The following PMFBP1 variants were observed in gnomAD, a reference collection of about 807,000 sequenced individuals.
PMFBP1 encodes polyamine modulated factor 1 binding protein 1, also known as polyamine-modulated factor 1-binding protein 1.
PMFBP1 carries 131 observed loss-of-function variants against 137.8 expected under a neutral mutation model. The ratio of observed to expected loss-of-function variants is 0.95; its 90% confidence interval spans 0.82 to 1.10. The LOEUF (loss-of-function observed/expected upper bound fraction) is 1.10, where lower values mean the gene tolerates loss of function less well. Ranked by LOEUF, PMFBP1 falls within the 50% of genes least tolerant of loss-of-function variation. The pLI is 0.00. For missense variants in PMFBP1, 1,199 were observed against 1,175.4 expected (o/e 1.02, Z -0.29); for synonymous variants, 490 against 450.4 (o/e 1.09, Z -1.11).
chr16:72,177,553 C>T (rs530618213), upstream of PMFBP1, among the ~76,000 whole-genome samples: 1 of 152,272 alleles, frequency 6.6e-6, no homozygotes, highest in Non-Finnish European at 1.5e-5. Context: ...AGAAAAGTTG[C>T]AAAAATAGTA....
At chr16:72,152,339 C>T (rs530553263) in intron 4 of PMFBP1, among the ~76,000 whole-genome samples, 48 of 152,264 alleles carry the variant, frequency 3.2e-4, no homozygotes, top group African/African-American at 1.1e-3. Context: ...ACTAATAGAA[C>T]CTTGACTCTA....
chr16:72,121,321 T>G (rs1392211362), intron 19 of PMFBP1, among the ~76,000 whole-genome samples: 2 of 152,176 alleles, frequency 1.3e-5, no homozygotes, highest in African/African-American at 2.4e-5. Flanking sequence ...AGAGGGGGTC[T>G]CAGCAGTGCC....
At chr16:72,189,309 CCACCACATGCTGCCGT>C in the PMFBP1 span, among the ~76,000 whole-genome samples, 1 of 152,212 alleles carries the variant, frequency 6.6e-6, no homozygotes, top group South Asian at 2.1e-4. Flanking sequence ...ATGCCCTCAG[CCACCACATGCTGCCGT>C]CCCTTTAAGC....
upstream of PMFBP1, among the ~76,000 whole-genome samples, chr16:72,181,548 C>T (rs1195133474): frequency 1.3e-5 from 2 of 152,146 alleles, no homozygotes; most frequent in African/African-American, 4.8e-5. Context: ...CTAGCCCTTC[C>T]TTGTGAGATT....
chr16:72,232,435 T>C, the PMFBP1 span, among the ~76,000 whole-genome samples: 1 of 152,138 alleles, frequency 6.6e-6, no homozygotes, highest in Non-Finnish European at 1.5e-5. Flanking sequence ...CCACTATTGT[T>C]TTAGGTTAAA....
chr16:72,126,254 G>T, intron 14 of PMFBP1, 122 bp from the exon 15 acceptor site: 2 of 1,063,724 alleles, frequency 1.9e-6, no homozygotes, highest in Admixed American at 2.4e-5. Flanking sequence ...TGCAGAGTCC[G>T]TGTTAACACT....
At chr16:72,225,490 G>A in the PMFBP1 span, among the ~76,000 whole-genome samples, 1 of 151,898 alleles carries the variant, frequency 6.6e-6, no homozygotes, top group Admixed American at 6.6e-5. Context: ...AGAAATTCAA[G>A]ACCAGCCTGG....
At chr16:72,195,194 T>C in the PMFBP1 span, among the ~76,000 whole-genome samples, 6 of 152,138 alleles carry the variant, frequency 3.9e-5, no homozygotes, top group African/African-American at 1.4e-4. Flanking sequence ...AGGGCCCACG[T>C]TTTCTGGCCA....
At chr16:72,140,636 C>T in intron 5 of PMFBP1, 54 bp from the exon 6 acceptor site, 1 of 1,478,748 alleles carries the variant, frequency 6.8e-7, no homozygotes, top group Non-Finnish European at 9.4e-7. Context: ...TGAGTTACTT[C>T]AGAATTCCAT....
intron 3 of PMFBP1, among the ~76,000 whole-genome samples, chr16:72,161,238 T>C (rs917642051): frequency 6.6e-6 from 1 of 151,692 alleles, no homozygotes; most frequent in African/African-American, 2.4e-5. Context: ...GCTGGGATTA[T>C]AGGCGCCTGC....
intron 3 of PMFBP1, among the ~76,000 whole-genome samples, chr16:72,159,401 G>C (rs1468433576): frequency 6.6e-6 from 1 of 152,200 alleles, no homozygotes; most frequent in Non-Finnish European, 1.5e-5. Flanking sequence ...TGGATCTTCT[G>C]GGTTTAATTT....
At chr16:72,240,279 T>C in the PMFBP1 span, among the ~76,000 whole-genome samples, 1 of 152,242 alleles carries the variant, frequency 6.6e-6, no homozygotes, top group Non-Finnish European at 1.5e-5. Flanking sequence ...TTTGCAGAGC[T>C]TAGTCAGAAT....
intron 3 of PMFBP1, among the ~76,000 whole-genome samples, chr16:72,155,185 G>T (rs1190681582): frequency 2.0e-5 from 3 of 152,122 alleles, no homozygotes; most frequent in Non-Finnish European, 2.9e-5. Context: ...CTGCTGGTAG[G>T]ACACATCCCT....
rs754428202 is a variant in PMFBP1, at chr16:72,120,018, TTCTTC to T, written c.2835_2839del (p.Lys946AspfsTer80). The T allele has an allele frequency of 2.0e-5, 32 of 1,614,044 alleles. No individual in the cohort carries two copies. Among genetic ancestry groups the T allele is most frequent in the Non-Finnish European group, 2.6e-5 (31 of 1,180,022 alleles). On this transcript the variant is annotated frameshift_variant, in exon 20 of 21. Coordinates refer to ENST00000237353, the MANE Select transcript of PMFBP1 (RefSeq NM_031293.3). LOFTEE classifies it high-confidence loss of function. ...TAGCCTTGTGTTCTCGGCTTTCATCTTCTTCTCTTCTATCTCCTTCTTCAGCTTCT... is the reference window on the plus strand; with the variant it reads ...TAGCCTTGTGTTCTCGGCTTTCATCTTCTTCTATCTCCTTCTTCAGCTTCT...
At position 72,129,174 on chromosome 16, in the gene PMFBP1, C is replaced by T. The variant is rs1451625940; in HGVS notation, c.1842G>A (p.Lys614=). The change falls in exon 13 of 21, where the codon AAG becomes AAA. Residue 614 remains lysine (K), a synonymous_variant. Coordinates refer to ENST00000237353, the MANE Select transcript of PMFBP1 (RefSeq NM_031293.3). The stretch of plus-strand genomic sequence containing the variant: ...ACTGCTCCCGTTTGTCCTCCAGAAG[C>T]TTTGTGGCCTCCTGAAGATCTTCTT... ...KLEEDLQEAT[K]LLEDKREQLK... is the part of the protein sequence containing the mutation. 2 of 1,614,162 alleles carry T rather than the reference C, an allele frequency of 1.2e-6. No individual in the cohort carries two copies. The highest frequency in any genetic ancestry group is 1.7e-6 in the Non-Finnish European group (2 of 1,180,042).
rs2042843343 is a variant in PMFBP1, at chr16:72,148,226, T to C, written c.636+2382A>G. Among the ~76,000 whole-genome samples, 8 of 152,140 alleles carry C rather than the reference T, an allele frequency of 5.3e-5. No homozygotes were observed. In the South Asian group the frequency reaches 1.5e-3, roughly 28 times the overall value. On this transcript the variant is annotated intron_variant, in intron 5 of 20. Coordinates refer to ENST00000237353, the MANE Select transcript of PMFBP1 (RefSeq NM_031293.3). ...TGAGTTCATGTCCTTTGCAGGTACA[T>C]GGATGAAACTGGAAACCATCATTCT...
intron 10 of PMFBP1, among the ~76,000 whole-genome samples, chr16:72,131,681 G>C (rs2042551394): frequency 6.6e-6 from 1 of 152,172 alleles, no homozygotes; most frequent in African/African-American, 2.4e-5. Flanking sequence ...AGGTTTGTGG[G>C]AGAAAGACGG....
chr16:72,137,466 T>A (rs1173957286), intron 7 of PMFBP1, among the ~76,000 whole-genome samples: 2 of 152,102 alleles, frequency 1.3e-5, no homozygotes, highest in African/African-American at 2.4e-5. Flanking sequence ...GGGAGGCGCA[T>A]GTTGCAATTT....
the PMFBP1 span, among the ~76,000 whole-genome samples, chr16:72,187,986 C>T: frequency 6.6e-6 from 1 of 152,226 alleles, no homozygotes; most frequent in African/African-American, 2.4e-5. Context: ...TACAATGTCT[C>T]TTTTCCTTTG....
Sources: allele counts gnomAD v4.1 joint callset (sites outside exome capture counted in the v4.1 genomes callset), GRCh38; gene constraint gnomAD v4.1.1; transcripts MANE v1.5; gene names NCBI Gene and HGNC (gene_info 2026-07-23, HGNC 2026-07-21).